Variants in TAOK3 observed in about 807,000 individuals in gnomAD.
TAOK3 encodes TAO kinase 3, also known as serine/threonine-protein kinase TAO3.
TAOK3 carries 40 observed loss-of-function variants against 120.4 expected under a neutral mutation model. That is an observed-to-expected ratio of 0.33 (90% CI 0.26 to 0.43). The LOEUF is 0.43. Among genes scored for constraint, TAOK3 ranks in the 20% least tolerant of loss-of-function variants. The pLI, the probability that TAOK3 is intolerant of heterozygous loss-of-function variation, is 1.00. For missense variants in TAOK3, 821 were observed against 1,112.1 expected (o/e 0.74, Z 3.72); for synonymous variants, 355 against 387.5 (o/e 0.92, Z 0.99).
intron 1 of TAOK3, among the ~76,000 whole-genome samples, chr12:118,338,275 T>C (rs773584699): frequency 6.6e-5 from 10 of 152,154 alleles, no homozygotes; most frequent in African/African-American, 2.2e-4. Flanking sequence ...TGTGATTATA[T>C]GGATGTTTTT....
At chr12:118,312,456 C>A (rs1209938694) in intron 1 of TAOK3, among the ~76,000 whole-genome samples, 1 of 152,070 alleles carries the variant, frequency 6.6e-6, no homozygotes, top group Non-Finnish European at 1.5e-5. Context: ...ACTAACCATA[C>A]CTTGGACAAC....
At chr12:118,287,726 C>A (rs1027643225) in intron 1 of TAOK3, among the ~76,000 whole-genome samples, 3 of 152,094 alleles carry the variant, frequency 2.0e-5, no homozygotes, top group African/African-American at 7.2e-5. Context: ...GTTTAAAAAT[C>A]TTTTATTCAG....
Position 118,328,461 on chromosome 12 carries a change from C to A in TAOK3, c.-194+44187G>T, listed in dbSNP as rs373863709. Among the ~76,000 whole-genome samples the A allele has an allele frequency of 1.2e-4, 18 of 152,272 alleles. No individual in the cohort carries two copies. The East Asian group carries it at 1.3e-3, about 11-fold the overall frequency. On this transcript the variant is annotated intron_variant, in intron 1 of 20. Coordinates refer to ENST00000392533, the MANE Select transcript of TAOK3 (RefSeq NM_016281.4). ...TTCAGGGAGCTTGCAGTCTATAGAA[C>A]AAATGTATTAAAGAAACGTACATTT... is the stretch of plus-strand genomic sequence containing the variant.
At chr12:118,297,660 C>T (rs1045282294) in intron 1 of TAOK3, among the ~76,000 whole-genome samples, 3 of 151,866 alleles carry the variant, frequency 2.0e-5, no homozygotes, top group Non-Finnish European at 4.4e-5. Flanking sequence ...TGCTATATCC[C>T]CTCATATATC....
chr12:118,296,044 T>C (rs1032330200), intron 1 of TAOK3, among the ~76,000 whole-genome samples: 1 of 152,228 alleles, frequency 6.6e-6, no homozygotes, highest in African/African-American at 2.4e-5. Context: ...TGTGTGTATG[T>C]GTATGCATAT....
intron 9 of TAOK3, among the ~76,000 whole-genome samples, chr12:118,217,812 TATAC>T (rs201354017): frequency 0.056 from 2,445 of 43,452 alleles, 100 homozygotes; most frequent in South Asian, 0.091. Context: ...TGTGTGTGTG[TATAC>T]ATATATATAT....
chr12:118,259,016 GAAAT>G (rs2041112222), intron 2 of TAOK3, among the ~76,000 whole-genome samples: 1 of 151,900 alleles, frequency 6.6e-6, no homozygotes, highest in South Asian at 2.1e-4. Context: ...ATTTTATGAA[GAAAT>G]AAATATTTAA....
chr12:118,338,786 CAAAAAAAAA>C lies in TAOK3; in HGVS notation c.-194+33853_-194+33861del, dbSNP rs71069438. Among the ~76,000 whole-genome samples the C allele has an allele frequency of 4.6e-4, 23 of 49,856 alleles. No individual in the cohort carries two copies. The South Asian group carries it at 6.6e-3, about 14-fold the overall frequency. 32.7% of individuals were successfully genotyped at this position (49,856 alleles called of 152,430 possible). A position where few individuals can be genotyped will look rare whatever the true frequency, so the allele number is the denominator to read the frequency against. On this transcript the variant is annotated intron_variant, in intron 1 of 20. Transcript: ENST00000392533. ...TGGTCGACAGAGTGAGACTCCGTCT[CAAAAAAAAA>C]AAAAAAAAAAAAAAAAAAAGAGAAA...
chr12:118,214,544 TAGAATAAGGAAAAA>T (rs1423005274), intron 9 of TAOK3, among the ~76,000 whole-genome samples: 1 of 150,500 alleles, frequency 6.6e-6, no homozygotes, highest in Non-Finnish European at 1.5e-5. Context: ...CAAAGAAACA[TAGAATAAGGAAAAA>T]AGATTACTAT....
chr12:118,156,946 G>A (rs2034872167), intron 19 of TAOK3, among the ~76,000 whole-genome samples: 1 of 151,962 alleles, frequency 6.6e-6, no homozygotes, highest in Non-Finnish European at 1.5e-5. Flanking sequence ...TACCACACTG[G>A]CCAGGCTGGT....
chr12:118,246,202 G>A (rs2040490959), intron 3 of TAOK3: 2 of 1,427,790 alleles, frequency 1.4e-6, no homozygotes, highest in East Asian at 2.4e-5. Flanking sequence ...GGTCGCGGCC[G>A]TGGACGGGGC....
intron 1 of TAOK3, among the ~76,000 whole-genome samples, chr12:118,270,775 C>T (rs1487920037): frequency 6.6e-6 from 1 of 151,480 alleles, no homozygotes; most frequent in Non-Finnish European, 1.5e-5. Context: ...CCCGGGTTCA[C>T]GCCATTCTCC....
intron 1 of TAOK3, among the ~76,000 whole-genome samples, chr12:118,364,032 G>A (rs1909617): frequency 0.12 from 17,524 of 151,964 alleles, 1,274 homozygotes; most frequent in Middle Eastern, 0.19. Flanking sequence ...CCAGTTACTC[G>A]GGAGGCTGAG....
chr12:118,198,946 T>G (rs2037881724), intron 13 of TAOK3, 105 bp downstream of exon 13: 3 of 1,207,902 alleles, frequency 2.5e-6, no homozygotes, highest in Non-Finnish European at 3.7e-6. Context: ...AGTACCACAC[T>G]GCAGTTGCAA....
intron 5 of TAOK3, among the ~76,000 whole-genome samples, chr12:118,241,533 C>A (rs754374737): frequency 3.3e-4 from 51 of 152,262 alleles, no homozygotes; most frequent in South Asian, 6.2e-4. Flanking sequence ...AAAAACTCAG[C>A]ATTTTTGTCA....
intron 3 of TAOK3, among the ~76,000 whole-genome samples, chr12:118,252,723 C>CTTT (rs781342587): frequency 2.9e-5 from 4 of 139,912 alleles, no homozygotes; most frequent in African/African-American, 7.8e-5. Flanking sequence ...TTTTTCTTTT[C>CTTT]TTTTTTTTTT....
intron 5 of TAOK3, among the ~76,000 whole-genome samples, chr12:118,240,148 A>G (rs2040183336): frequency 3.3e-5 from 5 of 151,796 alleles, no homozygotes; most frequent in Admixed American, 3.3e-4. Context: ...GGCTTTCTAA[A>G]AGCAAAAGTG....
In TAOK3 at chr12:118,307,730, C is replaced by T. The variant is rs75172151; in HGVS notation, c.-193-40971G>A. 1.9e-3 allele frequency among the ~76,000 whole-genome samples: 293 copies of T among 152,156 alleles called. 2 individuals carry two copies. The highest frequency in any genetic ancestry group is 0.015 in the East Asian group (78 of 5,176). On this transcript the variant is annotated intron_variant, in intron 1 of 20. Coordinates refer to ENST00000392533, the MANE Select transcript of TAOK3 (RefSeq NM_016281.4). The stretch of plus-strand genomic sequence containing the variant: ...CCTCTATGAACTGTTAATGAAGTTC[C>T]GGAAGTTCTTTCCTTAAAAAACAAA...
At chr12:118,255,837 C>G (rs988724233) in intron 2 of TAOK3, 182 bp from the exon 3 acceptor site, 1 of 248,960 alleles carries the variant, frequency 4.0e-6, no homozygotes, top group Non-Finnish European at 7.6e-6. Flanking sequence ...AATCCCGGCA[C>G]TTTGGGAGGC....
Sources: allele counts gnomAD v4.1 joint callset (sites outside exome capture counted in the v4.1 genomes callset), GRCh38; gene constraint gnomAD v4.1.1; transcripts MANE v1.5; gene names NCBI Gene and HGNC (gene_info 2026-07-23, HGNC 2026-07-21).